SOX5: variants seen among roughly 807,000 people sequenced by gnomAD.
SOX5 encodes the protein SRY-box transcription factor 5, also known as transcription factor SOX-5.
A neutral mutation model predicts 92.0 loss-of-function variants in SOX5; 9 were observed. The observed-to-expected ratio is 0.10, with a 90% CI of 0.06 to 0.17. The LOEUF (loss-of-function observed/expected upper bound fraction) is 0.17, where lower values mean the gene tolerates loss of function less well. SOX5 is among the 10% of genes least tolerant of loss of function. The pLI is 1.00. For synonymous variants in SOX5, 344 were observed against 336.3 expected, an observed-to-expected ratio of 1.02 and a Z score of -0.25; for missense variants, 642 against 944.5, an observed-to-expected ratio of 0.68 and a Z score of 4.20.
intron 3 of SOX5, among the ~76,000 whole-genome samples, chr12:23,775,447 C>A (rs2095066992): frequency 6.6e-6 from 1 of 152,128 alleles, no homozygotes; most frequent in Non-Finnish European, 1.5e-5. Flanking sequence ...TAATCAGTAA[C>A]AGTACTGACC....
chr12:23,893,353 G>A (rs866244003), intron 2 of SOX5, among the ~76,000 whole-genome samples: 3 of 152,164 alleles, frequency 2.0e-5, no homozygotes, highest in African/African-American at 7.2e-5. Context: ...GGCTGAGGCA[G>A]GAGAACTGCT....
intron 3 of SOX5, among the ~76,000 whole-genome samples, chr12:23,773,500 T>C (rs1269096869): frequency 6.6e-6 from 1 of 152,022 alleles, no homozygotes; most frequent in Non-Finnish European, 1.5e-5. Context: ...GCCTTCCGAG[T>C]AGCTAGGACT....
rs567410181 is a variant in SOX5 at position 23,618,348 on chromosome 12, T to C, written c.1018-13815A>G. On this transcript the variant is annotated intron_variant, in intron 8 of 14. Coordinates refer to ENST00000451604, the MANE Select transcript of SOX5 (RefSeq NM_006940.6). ...TCAGAAAGAGTTCTAAAGCAAACAC[T>C]TGTCTTTGGCTAAGTTCATATTTGT... Among the ~76,000 whole-genome samples the C allele has an allele frequency of 2.0e-5, 3 of 152,272 alleles. No individual in the cohort carries two copies. The East Asian group carries it at 5.8e-4, about 29-fold the overall frequency.
chr12:24,359,290 T>C (rs1955229737), intron 2 of SOX5, among the ~76,000 whole-genome samples: 1 of 152,208 alleles, frequency 6.6e-6, no homozygotes, highest in East Asian at 1.9e-4. Flanking sequence ...AATATCATTT[T>C]GATTATGGTG....
chr12:23,552,937 TC>T (rs762921721), intron 11 of SOX5, among the ~76,000 whole-genome samples: 5 of 152,012 alleles, frequency 3.3e-5, no homozygotes, highest in Non-Finnish European at 5.9e-5. Context: ...GACACATATC[TC>T]ACAGAAAACA....
At chr12:24,027,663 C>A (rs761756426) in intron 4 of SOX5, among the ~76,000 whole-genome samples, 11 of 151,838 alleles carry the variant, frequency 7.2e-5, no homozygotes, top group Non-Finnish European at 1.3e-4. Flanking sequence ...TCTGAATAAC[C>A]TTTCAACTTA....
At chr12:24,542,544 T>C (rs1376452653) in intron 1 of SOX5, among the ~76,000 whole-genome samples, 1 of 152,212 alleles carries the variant, frequency 6.6e-6, no homozygotes, top group African/African-American at 2.4e-5. Context: ...ACGATAGGCC[T>C]ACCTGGCACC....
At chr12:23,649,088 T>A (rs748856353) in intron 7 of SOX5, among the ~76,000 whole-genome samples, 6 of 152,124 alleles carry the variant, frequency 3.9e-5, no homozygotes, top group Non-Finnish European at 8.8e-5. Flanking sequence ...TGCTCCTGGT[T>A]ACAACAAAGT....
rs569071063 is a variant in SOX5 at position 24,349,420 on chromosome 12, A to G, written c.-174+19143T>C. Reference sequence around the variant, plus strand: ...ACTGAAGGTCTATAGCCCTTTGACAATAAGTCAATTTTCTCTCCTCCCTCC... The same window carrying G: ...ACTGAAGGTCTATAGCCCTTTGACAGTAAGTCAATTTTCTCTCCTCCCTCC... On this transcript the variant is annotated intron_variant, in intron 2 of 4. Coordinates refer to the SOX5 transcript ENST00000446891. Among the ~76,000 whole-genome samples the G allele has an allele frequency of 1.1e-3, 167 of 152,254 alleles. 1 individual carries two copies. The highest frequency in any genetic ancestry group is 3.9e-3 in the African/African-American group (163 of 41,544).
chr12:24,366,851 C>T (rs969876182), intron 2 of SOX5, among the ~76,000 whole-genome samples: 1 of 151,708 alleles, frequency 6.6e-6, no homozygotes, highest in African/African-American at 2.4e-5. Context: ...GTTTTCCAGT[C>T]CTTTTCAATT....
chr12:23,960,431 CA>C (rs1303216770), intron 4 of SOX5, among the ~76,000 whole-genome samples: 1 of 146,346 alleles, frequency 6.8e-6, no homozygotes, highest in African/African-American at 2.6e-5. Flanking sequence ...TATGCTTTCA[CA>C]CATGATATAT....
At chr12:23,875,418 C>T (rs2096917210) in intron 2 of SOX5, among the ~76,000 whole-genome samples, 1 of 152,084 alleles carries the variant, frequency 6.6e-6, no homozygotes, top group African/African-American at 2.4e-5. Flanking sequence ...GGCCAAATAA[C>T]CCCACTGTGT....
At chr12:24,450,369 T>G (rs1290226225) in intron 1 of SOX5, among the ~76,000 whole-genome samples, 2 of 152,196 alleles carry the variant, frequency 1.3e-5, no homozygotes, top group African/African-American at 4.8e-5. Context: ...ATAGCAGGTA[T>G]ATATATTTAC....
chr12:24,555,744 A>AGT (rs1007821877), intron 1 of SOX5, among the ~76,000 whole-genome samples: 68 of 152,010 alleles, frequency 4.5e-4, no homozygotes, highest in African/African-American at 1.5e-3. Flanking sequence ...CATGTGTGTG[A>AGT]GTGTGTGTGT....
chr12:24,014,187 C>T (rs1319936632), intron 4 of SOX5, among the ~76,000 whole-genome samples: 2 of 152,166 alleles, frequency 1.3e-5, no homozygotes, highest in African/African-American at 2.4e-5. Flanking sequence ...AAGCTAGTTG[C>T]TCTTGTTTAA....
chr12:24,124,747 A>G (rs902399513), intron 4 of SOX5, among the ~76,000 whole-genome samples: 13 of 152,212 alleles, frequency 8.5e-5, no homozygotes, highest in Admixed American at 7.2e-4. Flanking sequence ...AATATTTCTC[A>G]AAGATAGCCA....
At chr12:23,793,470 A>C (rs2095511393) in intron 3 of SOX5, among the ~76,000 whole-genome samples, 1 of 152,240 alleles carries the variant, frequency 6.6e-6, no homozygotes, top group Non-Finnish European at 1.5e-5. Flanking sequence ...ACTTTTCAGC[A>C]CATGAATATT....
chr12:23,873,895 A>T (rs971885633), intron 2 of SOX5, among the ~76,000 whole-genome samples: 4 of 152,074 alleles, frequency 2.6e-5, no homozygotes, highest in Admixed American at 1.3e-4. Flanking sequence ...CAGATAAAAA[A>T]TTTTTCCAAT....
At chr12:24,051,233 C>T (rs533546397) in intron 4 of SOX5, among the ~76,000 whole-genome samples, 3 of 152,042 alleles carry the variant, frequency 2.0e-5, no homozygotes, top group African/African-American at 7.2e-5. Flanking sequence ...ACTAATAAAA[C>T]TGACTAGAAA....
Sources: gnomAD v4.1 joint callset for allele counts (sites outside exome capture counted in the v4.1 genomes callset) on GRCh38, gnomAD v4.1.1 for gene constraint, MANE v1.5 for transcripts, NCBI Gene and HGNC (gene_info 2026-07-23, HGNC 2026-07-21) for gene names.